The following ABTB2 variants were observed in gnomAD, a reference collection of about 807,000 sequenced individuals.
ABTB2 encodes the protein ankyrin repeat and BTB domain containing 2, also known as ankyrin repeat and BTB/POZ domain-containing protein 2.
In ABTB2, 56 loss-of-function variants were observed where a neutral mutation model predicts 104.1. That is an observed-to-expected ratio of 0.54 (90% CI 0.43 to 0.67). The LOEUF is 0.67. ABTB2 is among the 30% of genes least tolerant of loss of function. The pLI, the probability that ABTB2 is intolerant of heterozygous loss-of-function variation, is 0.00. For missense variants in ABTB2, 1,279 were observed against 1,407.7 expected, an observed-to-expected ratio of 0.91 and a Z score of 1.46; for synonymous variants, 606 against 608.2, an observed-to-expected ratio of 1.00 and a Z score of 0.05.
chr11:34,228,352 A>C (rs1402526665), intron 1 of ABTB2, among the ~76,000 whole-genome samples: 1 of 116,996 alleles, frequency 8.5e-6, no homozygotes, highest in African/African-American at 3.3e-5. Flanking sequence ...GAGCCACCAC[A>C]CTTGGCCTAC....
intron 1 of ABTB2, among the ~76,000 whole-genome samples, chr11:34,285,320 A>G (rs1199173957): frequency 1.3e-5 from 2 of 152,096 alleles, no homozygotes; most frequent in Non-Finnish European, 2.9e-5. Context: ...GGTGCTATCG[A>G]TCACTATCGG....
At chr11:34,220,968 T>C (rs1393363987) in intron 1 of ABTB2, among the ~76,000 whole-genome samples, 1 of 151,078 alleles carries the variant, frequency 6.6e-6, no homozygotes, top group African/African-American at 2.4e-5. Context: ...TGTGTCCTAA[T>C]CTTTTTTTTT....
intron 1 of ABTB2, among the ~76,000 whole-genome samples, chr11:34,277,522 G>A (rs571425470): frequency 1.3e-5 from 2 of 151,580 alleles, no homozygotes; most frequent in Non-Finnish European, 2.9e-5. Context: ...GGTGGCTCAT[G>A]CCTGTAATCC....
chr11:34,245,704 A>G (rs1353082194), intron 1 of ABTB2, among the ~76,000 whole-genome samples: 2 of 152,224 alleles, frequency 1.3e-5, no homozygotes, highest in East Asian at 1.9e-4. Flanking sequence ...TCTGGGGCTC[A>G]TACACTCTGA....
At chr11:34,207,573 G>A (rs1432318029) in intron 1 of ABTB2, among the ~76,000 whole-genome samples, 2 of 152,156 alleles carry the variant, frequency 1.3e-5, no homozygotes, top group East Asian at 1.9e-4. Context: ...AACAACCACA[G>A]CTGACTTTTA....
Position 34,164,673 on chromosome 11 carries a change from C to T in ABTB2, c.1988+13G>A. On this transcript the variant is annotated intron_variant, in intron 9 of 16. Coordinates refer to ENST00000435224, the MANE Select transcript of ABTB2 (RefSeq NM_145804.3). ...CCCTCATGTCACACAGGGTGGGAAT[C>T]CCGGGCAGGTACCTGTGGCCGTGGG... 1.3e-6 allele frequency: 2 copies of T among 1,492,312 alleles called. No individual in the cohort carries two copies. Among genetic ancestry groups the T allele is most frequent in the Non-Finnish European group, 1.8e-6 (2 of 1,128,544 alleles). 92.4% of individuals were successfully genotyped at this position (1,492,312 alleles called of 1,614,324 possible).
At chr11:34,191,995 T>C (rs1363011851) in intron 3 of ABTB2, among the ~76,000 whole-genome samples, 1 of 152,204 alleles carries the variant, frequency 6.6e-6, no homozygotes, top group Non-Finnish European at 1.5e-5. Flanking sequence ...GGCCCTGTTC[T>C]AAAAGTATGT....
chr11:34,309,375 A>G (rs1244060546), intron 1 of ABTB2, among the ~76,000 whole-genome samples: 1 of 152,226 alleles, frequency 6.6e-6, no homozygotes, highest in East Asian at 1.9e-4. Flanking sequence ...ACAATCCCTT[A>G]TGCCAATGAC....
Position 34,253,207 on chromosome 11 carries a change from G to A in ABTB2, c.884-48517C>T, listed in dbSNP as rs777786325. On this transcript the variant is annotated intron_variant, in intron 1 of 16. Coordinates refer to ENST00000435224, the MANE Select transcript of ABTB2 (RefSeq NM_145804.3). ...CCCTGGGTCACTTGCCATCTCCACA[G>A]GCCCAGAGGCCTCACCTGGGCCAGA... is the stretch of plus-strand genomic sequence containing the variant. Among the ~76,000 whole-genome samples the A allele has an allele frequency of 9.2e-5, 14 of 152,220 alleles. No individual in the cohort carries two copies. In the East Asian group the frequency reaches 2.7e-3, roughly 29 times the overall value.
intron 1 of ABTB2, among the ~76,000 whole-genome samples, chr11:34,313,582 C>T (rs567421079): frequency 1.3e-5 from 2 of 152,320 alleles, no homozygotes; most frequent in South Asian, 4.1e-4. Context: ...GGAGGATGTG[C>T]GGAGAATATC....
chr11:34,220,579 G>A lies in ABTB2; in HGVS notation c.884-15889C>T, dbSNP rs76414408. Among the ~76,000 whole-genome samples the A allele has an allele frequency of 4.8e-3, 724 of 152,348 alleles. 4 individuals carry two copies. The highest frequency in any genetic ancestry group is 8.0e-3 in the Non-Finnish European group (547 of 68,038). ...GCAGGACCCTGCTACGGCTGAAGCT[G>A]TTCTCAGAGAGTGGGGCCAGAGCCA... On this transcript the variant is annotated intron_variant, in intron 1 of 16. Transcript: ENST00000435224.
intron 10 of ABTB2, among the ~76,000 whole-genome samples, chr11:34,162,144 C>A (rs1444359290): frequency 6.6e-6 from 1 of 152,196 alleles, no homozygotes; most frequent in Non-Finnish European, 1.5e-5. Flanking sequence ...TGACTAGCCT[C>A]CCTGGAGGAC....
In ABTB2 at chr11:34,154,054, C is replaced by T. The variant is rs141861612; in HGVS notation, c.2880+211G>A. ...AACTAGGGTGCAGCTGGCTCAAAAGCTCACCTCCCAAGCTACCACATGGCC... is the reference window on the plus strand; with the variant it reads ...AACTAGGGTGCAGCTGGCTCAAAAGTTCACCTCCCAAGCTACCACATGGCC... On this transcript the variant is annotated intron_variant, in intron 16 of 16. Transcript: ENST00000435224. This position sits in a 1 kb window ranked among gnomAD's most constrained non-coding sequence, Gnocchi z 4.9. Among the ~76,000 whole-genome samples the T allele has an allele frequency of 3.7e-4, 56 of 152,310 alleles. No homozygotes were observed. Among genetic ancestry groups the T allele is most frequent in the Non-Finnish European group, 6.6e-4 (45 of 68,030 alleles).
At chr11:34,302,136 G>A (rs979578553) in intron 1 of ABTB2, among the ~76,000 whole-genome samples, 1 of 152,224 alleles carries the variant, frequency 6.6e-6, no homozygotes, top group African/African-American at 2.4e-5. Context: ...CCTCACGTAT[G>A]TGTATGCTTT....
At chr11:34,175,009 G>C (rs767223100) in intron 3 of ABTB2, among the ~76,000 whole-genome samples, 1 of 152,242 alleles carries the variant, frequency 6.6e-6, no homozygotes, top group Non-Finnish European at 1.5e-5. Flanking sequence ...GGAGCGTCCC[G>C]CCTGTGCGGT....
intron 1 of ABTB2, among the ~76,000 whole-genome samples, chr11:34,309,092 C>T (rs752742690): frequency 3.9e-5 from 6 of 152,130 alleles, no homozygotes; most frequent in South Asian, 2.1e-4. Flanking sequence ...GCCAAAGAAG[C>T]GTAAACTTCA....
At chr11:34,191,127 G>A (rs1313641932) in intron 3 of ABTB2, among the ~76,000 whole-genome samples, 1 of 152,166 alleles carries the variant, frequency 6.6e-6, no homozygotes. Flanking sequence ...AGCCCCAGGT[G>A]AAATGGTGGC....
intron 1 of ABTB2, among the ~76,000 whole-genome samples, chr11:34,331,262 C>A (rs184642849): frequency 6.6e-6 from 1 of 152,284 alleles, no homozygotes; most frequent in East Asian, 1.9e-4. Flanking sequence ...TTACCACAAG[C>A]ATATAAAGGG....
Position 34,204,513 on chromosome 11 carries a change from C to A in ABTB2, c.1030+31G>T, listed in dbSNP as rs756799258. On this transcript the variant is annotated intron_variant, in intron 2 of 16. Coordinates refer to ENST00000435224, the MANE Select transcript of ABTB2 (RefSeq NM_145804.3). The stretch of plus-strand genomic sequence containing the variant: ...GCCCTGAGACCTCGCCGTTGCTCTA[C>A]CATCCAGCTAGACACTGAGGCCACA... The A allele has an allele frequency of 4.5e-6, 7 of 1,552,460 alleles. No individual in the cohort carries two copies. In the African/African-American group the frequency reaches 8.2e-5, roughly 18 times the overall value.
Sources: allele counts gnomAD v4.1 joint callset (sites outside exome capture counted in the v4.1 genomes callset), GRCh38; gene constraint gnomAD v4.1.1; non-coding constraint Gnocchi (gnomAD v3.1); transcripts MANE v1.5; gene names NCBI Gene and HGNC (gene_info 2026-07-23, HGNC 2026-07-21).